DGKB: variants seen among roughly 807,000 people sequenced by gnomAD.
DGKB encodes the protein 90 kDa diacylglycerol kinase.
DGKB carries 67 observed loss-of-function variants against 114.3 expected under a neutral mutation model. The observed-to-expected ratio is 0.59, with a 90% confidence interval of 0.48 to 0.72. The LOEUF (loss-of-function observed/expected upper bound fraction) is 0.72. Among genes scored for constraint, DGKB ranks in the 30% least tolerant of loss-of-function variants. DGKB has a pLI of 0.00. For missense variants in DGKB, 907 were observed against 975.2 expected (o/e 0.93, Z 0.93); for synonymous variants, 398 against 323.1 (o/e 1.23, Z -2.49).
intron 2 of DGKB, among the ~76,000 whole-genome samples, chr7:14,810,957 A>G (rs928682466): frequency 6.6e-6 from 1 of 152,112 alleles, no homozygotes; most frequent in Non-Finnish European, 1.5e-5. Context: ...TTTATGGGAC[A>G]TTTCAATTTG....
rs1379548060 is a variant in DGKB at position 14,856,641 on chromosome 7, AGTAAAAG to A, written c.-187-15198_-187-15192del. ...TGTCTCATTGATGTCACTGCTGTAG[AGTAAAAG>A]TATTCATTGTGTGTGTGTATATATA... is the stretch of plus-strand genomic sequence containing the variant. On this transcript the variant is annotated intron_variant, in intron 1 of 25. Coordinates refer to ENST00000402815, the MANE Select transcript of DGKB (RefSeq NM_001350709.2). 8.6e-5 allele frequency among the ~76,000 whole-genome samples: 13 copies of A among 150,920 alleles called. 1 individual carries two copies. The highest frequency in any genetic ancestry group is 1.5e-5 in the Non-Finnish European group (1 of 67,996).
chr7:14,891,955 T>C (rs1021843968), intron 1 of DGKB, among the ~76,000 whole-genome samples: 2 of 151,178 alleles, frequency 1.3e-5, no homozygotes, highest in African/African-American at 2.4e-5. Context: ...AATACCCCAA[T>C]TGAAAATGCA....
chr7:14,376,638 A>G (rs1818521417), intron 21 of DGKB, among the ~76,000 whole-genome samples: 1 of 152,208 alleles, frequency 6.6e-6, no homozygotes, highest in Non-Finnish European at 1.5e-5. Context: ...AGTGCTTTAA[A>G]TTTTAGGAAC....
intron 23 of DGKB, among the ~76,000 whole-genome samples, chr7:14,270,071 AAAAAG>A (rs1464519759): frequency 1.7e-4 from 26 of 150,224 alleles, no homozygotes; most frequent in Admixed American, 5.3e-4. Context: ...AAAAAAAAAA[AAAAAG>A]AGAGAGATTC....
intron 21 of DGKB, among the ~76,000 whole-genome samples, chr7:14,454,853 C>G (rs1832044338): frequency 6.6e-6 from 1 of 151,972 alleles, no homozygotes; most frequent in Admixed American, 6.6e-5. Context: ...ATGTATTATT[C>G]AATTTAATTT....
intron 20 of DGKB, among the ~76,000 whole-genome samples, chr7:14,549,614 G>A (rs1295804420): frequency 1.3e-5 from 2 of 152,012 alleles, no homozygotes; most frequent in African/African-American, 4.8e-5. Flanking sequence ...AGAATGCAGG[G>A]AACAATAACA....
chr7:14,300,285 T>G (rs1437018507), intron 23 of DGKB, among the ~76,000 whole-genome samples: 1 of 152,222 alleles, frequency 6.6e-6, no homozygotes, highest in African/African-American at 2.4e-5. Context: ...TTCATTTTTT[T>G]CCCTCATCAA....
intron 1 of DGKB, among the ~76,000 whole-genome samples, chr7:14,936,127 G>A (rs1274002819): frequency 6.6e-6 from 1 of 152,132 alleles, no homozygotes; most frequent in Non-Finnish European, 1.5e-5. Context: ...TTTTAACATG[G>A]TTTATATAGG....
chr7:14,507,003 C>T (rs978762291), intron 20 of DGKB, among the ~76,000 whole-genome samples: 1 of 152,154 alleles, frequency 6.6e-6, no homozygotes, highest in East Asian at 1.9e-4. Context: ...TTTGTATTCA[C>T]ATTGTGAGGA....
intron 5 of DGKB, among the ~76,000 whole-genome samples, chr7:14,732,912 A>G (rs968578960): frequency 6.6e-6 from 1 of 152,204 alleles, no homozygotes; most frequent in Non-Finnish European, 1.5e-5. Context: ...TCTTTCTTCC[A>G]TATGTGATAC....
intron 1 of DGKB, among the ~76,000 whole-genome samples, chr7:14,938,916 G>A (rs1785411880): frequency 6.6e-6 from 1 of 152,128 alleles, no homozygotes; most frequent in African/African-American, 2.4e-5. Flanking sequence ...TTGGTCATGT[G>A]ATCTAACCTC....
At chr7:14,451,541 ATCTGTC>A (rs746257068) in intron 21 of DGKB, among the ~76,000 whole-genome samples, 2 of 99,210 alleles carry the variant, frequency 2.0e-5, no homozygotes, top group Non-Finnish European at 4.0e-5. Context: ...AAATCTCTCT[ATCTGTC>A]TCTCTCTCTC....
chr7:14,574,385 A>G lies in DGKB; in HGVS notation c.1610-13T>C. 6.3e-7 allele frequency: 1 copy of G among 1,599,546 alleles called. No homozygotes were observed. The highest frequency in any genetic ancestry group is 8.5e-7 in the Non-Finnish European group (1 of 1,175,468). On this transcript the variant is annotated splice_polypyrimidine_tract_variant and intron_variant, in intron 19 of 25. Coordinates refer to ENST00000402815, the MANE Select transcript of DGKB (RefSeq NM_001350709.2). ...TCACCTTCGTAACCTAGTGGGAAAA[A>G]AAAATACCTTGAGAAAAGAACTCTA...
intron 1 of DGKB, among the ~76,000 whole-genome samples, chr7:14,894,179 G>C (rs912156597): frequency 1.3e-5 from 2 of 151,314 alleles, no homozygotes; most frequent in Admixed American, 6.6e-5. Context: ...AGGACTATAA[G>C]AAGTTCCTAA....
chr7:14,183,260 C>G (rs935468313), intron 23 of DGKB, among the ~76,000 whole-genome samples: 4 of 152,236 alleles, frequency 2.6e-5, no homozygotes, highest in Middle Eastern at 3.4e-3. Flanking sequence ...TTCAATGATT[C>G]GTCTTCAAAA....
intron 16 of DGKB, among the ~76,000 whole-genome samples, chr7:14,607,789 T>A (rs956472776): frequency 5.3e-5 from 8 of 151,992 alleles, no homozygotes; most frequent in African/African-American, 1.9e-4. Flanking sequence ...TTTAGGATAT[T>A]CTCTAACCCG....
intron 1 of DGKB, among the ~76,000 whole-genome samples, chr7:14,863,227 G>C (rs1233096298): frequency 6.6e-6 from 1 of 151,478 alleles, no homozygotes; most frequent in African/African-American, 2.4e-5. Context: ...GTTTGTGTGT[G>C]AATTGTCTCT....
intron 23 of DGKB, among the ~76,000 whole-genome samples, chr7:14,322,748 C>T (rs987730383): frequency 1.3e-5 from 2 of 151,934 alleles, no homozygotes; most frequent in Non-Finnish European, 2.9e-5. Flanking sequence ...ATATATAATA[C>T]CAGTTAAAAA....
chr7:14,828,262 G>C (rs905987213), intron 2 of DGKB, among the ~76,000 whole-genome samples: 1 of 151,992 alleles, frequency 6.6e-6, no homozygotes, highest in African/African-American at 2.4e-5. Context: ...AGCTCTGCCC[G>C]ACAACATAAA....
Sources: allele counts gnomAD v4.1 joint callset (sites outside exome capture counted in the v4.1 genomes callset), GRCh38; gene constraint gnomAD v4.1.1; transcripts MANE v1.5; gene names NCBI Gene and HGNC (gene_info 2026-07-23, HGNC 2026-07-21).